The following GOSR2 variants were observed in gnomAD, a reference collection of about 807,000 sequenced individuals.
GOSR2 encodes golgi SNAP receptor complex member 2, also known as 27 kDa Golgi SNARE protein.
Under a neutral mutation model 27.9 loss-of-function variants are expected in GOSR2, and 20 were observed. The observed-to-expected ratio is 0.72, with a 90% CI of 0.50 to 1.04. The LOEUF (loss-of-function observed/expected upper bound fraction) is 1.04. Among genes scored for constraint, GOSR2 ranks in the 50% least tolerant of loss-of-function variants. The pLI is 0.00. For missense variants in GOSR2, 261 were observed against 270.5 expected (o/e 0.97, Z 0.25); for synonymous variants, 91 against 98.8 (o/e 0.92, Z 0.47).
chr17:46,975,336 T>A (rs2091437810), exon 7 of GOSR2: 1 of 152,212 alleles, frequency 6.6e-6, no homozygotes, highest in Non-Finnish European at 1.5e-5. Flanking sequence ...GATTTATCGG[T>A]GCATCCTGGG....
Position 46,939,701 on chromosome 17 carries a change from G to A in GOSR2, c.*941G>A. The A allele has an allele frequency of 7.1e-6, 7 of 985,700 alleles. No homozygotes were observed. Among genetic ancestry groups the A allele is most frequent in the Non-Finnish European group, 7.2e-6 (6 of 830,180 alleles). The allele number at this position is 985,700 out of a possible 1,614,324, so 61.1% of individuals were successfully genotyped here. ...GGCCCTCATTTTGCCCAGCCAGTGT[G>A]GGCAGATCCCACCGTGGAGACATCT... On this transcript the variant is annotated 3_prime_UTR_variant, in exon 6 of 6. Transcript: ENST00000640051.
intron 6 of GOSR2, among the ~76,000 whole-genome samples, chr17:46,951,019 C>A (rs1443990514): frequency 1.3e-5 from 2 of 152,188 alleles, no homozygotes; most frequent in African/African-American, 4.8e-5. Context: ...GCCCTCGCCC[C>A]AACTACACGC....
In GOSR2 at chr17:46,941,873, A is replaced by G. The variant is rs2089326204; in HGVS notation, c.*3113A>G. On this transcript the variant is annotated 3_prime_UTR_variant, in exon 6 of 6. Transcript: ENST00000640051. ...AGTTCTAGGGTTACAGGTGTTAGCC[A>G]CTGTACCTGGCCTCTAAGGTGATTC... 2 of 962,260 alleles carry G rather than the reference A, an allele frequency of 2.1e-6. No individual in the cohort carries two copies. The highest frequency in any genetic ancestry group is 1.1e-4 in the East Asian group (1 of 8,708). The allele number at this position is 962,260 out of a possible 1,614,324, so 59.6% of individuals were successfully genotyped here. A position where few individuals can be genotyped will look rare whatever the true frequency, so the allele number is the denominator to read the frequency against.
chr17:46,952,950 G>T (rs1159039962), intron 6 of GOSR2: 1 of 152,082 alleles, frequency 6.6e-6, no homozygotes. Flanking sequence ...CCCCACATAA[G>T]ATGCTCGATG....
chr17:46,951,821 C>G (rs368942176), intron 6 of GOSR2, among the ~76,000 whole-genome samples: 1 of 152,202 alleles, frequency 6.6e-6, no homozygotes, highest in Non-Finnish European at 1.5e-5. Context: ...TCTCTTCCCC[C>G]ACTCTGCCCG....
At chr17:46,974,072 C>T (rs72628341) in intron 6 of GOSR2, among the ~76,000 whole-genome samples, 15,730 of 152,216 alleles carry the variant, frequency 0.1, 900 homozygotes, top group Admixed American at 0.16. Context: ...GTAAGCCCTC[C>T]CTACTTCCCC....
intron 5 of GOSR2, chr17:46,935,657 A>G: frequency 1.0e-6 from 1 of 998,422 alleles, no homozygotes; most frequent in Non-Finnish European, 1.2e-6. Flanking sequence ...TTTGCAGTAG[A>G]TTAGAGCTTT....
In GOSR2 at chr17:46,972,796, G is replaced by A. The variant is rs144323506; in HGVS notation, c.616-2403G>A. 1.5e-4 allele frequency among the ~76,000 whole-genome samples: 23 copies of A among 152,182 alleles called. No individual in the cohort carries two copies. In the East Asian group the frequency reaches 1.6e-3, roughly 10 times the overall value. On this transcript the variant is annotated intron_variant, in intron 6 of 6. Coordinates refer to the GOSR2 transcript ENST00000640723. The stretch of plus-strand genomic sequence containing the variant: ...CACTCAATCTCCCGTGTGGACGAGC[G>A]TCTCTGCAGTCATATTATTAGCATC...
At chr17:46,936,765 T>C (rs991050233) in intron 5 of GOSR2, 1 of 983,460 alleles carries the variant, frequency 1.0e-6, no homozygotes, top group Non-Finnish European at 1.2e-6. Context: ...TCTGATTGTA[T>C]TGTCACTATC....
intron 4 of GOSR2, 80 bp from the exon 5 acceptor site, chr17:46,934,949 T>C: frequency 7.5e-7 from 1 of 1,327,554 alleles, no homozygotes; most frequent in Non-Finnish European, 1.1e-6. Context: ...TGGCTTGGCC[T>C]TGGCCAAAAG....
rs191154564 is a variant in GOSR2, at chr17:46,936,066, G to A, written c.477+897G>A. 4.2e-3 allele frequency: 4,157 copies of A among 985,808 alleles called. 16 individuals are homozygous for A. Among genetic ancestry groups the A allele is most frequent in the Non-Finnish European group, 4.8e-3 (3,962 of 829,910 alleles). The allele number at this position is 985,808 out of a possible 1,614,324, so 61.1% of individuals were successfully genotyped here. ...GTCCCTGCCATCTCTACGGGGGAGAGGGTCAGGCAAGCTGCAAGTGACACT... is the reference window on the plus strand; with the variant it reads ...GTCCCTGCCATCTCTACGGGGGAGAAGGTCAGGCAAGCTGCAAGTGACACT... On this transcript the variant is annotated intron_variant, in intron 5 of 5. Coordinates refer to ENST00000640051, the MANE Select transcript of GOSR2 (RefSeq NM_004287.5).
intron 6 of GOSR2, among the ~76,000 whole-genome samples, chr17:46,953,921 G>C (rs2090545125): frequency 6.6e-6 from 1 of 152,190 alleles, no homozygotes; most frequent in African/African-American, 2.4e-5. Flanking sequence ...GTTCATTGTA[G>C]ATTCTTGATA....
At chr17:46,965,176 CAGGG>C (rs899685095) in intron 6 of GOSR2, 2 of 152,224 alleles carry the variant, frequency 1.3e-5, no homozygotes, top group African/African-American at 4.8e-5. Context: ...GGGCAGGGCC[CAGGG>C]CATAGTGGAA....
At position 46,932,487 on chromosome 17, in the gene GOSR2, C is replaced by G. The variant is rs2087553165; in HGVS notation, c.336+288C>G. ...TCTGAGACAGAAAGGTGGAAGTTCA[C>G]ATGGTGGAAACGTTTTTCTGATCAG... On this transcript the variant is annotated intron_variant, in intron 4 of 5. Transcript: ENST00000640051. 1.5e-5 allele frequency: 9 copies of G among 593,378 alleles called. No individual in the cohort carries two copies. In the South Asian group the frequency reaches 1.9e-4, roughly 12 times the overall value. 36.8% of individuals were successfully genotyped at this position (593,378 alleles called of 1,614,324 possible). A position where few individuals can be genotyped will look rare whatever the true frequency, so the allele number is the denominator to read the frequency against.
intron 6 of GOSR2, among the ~76,000 whole-genome samples, chr17:46,951,970 C>G (rs937186785): frequency 3.9e-5 from 6 of 152,194 alleles, no homozygotes; most frequent in Non-Finnish European, 8.8e-5. Context: ...AACCGTTTTT[C>G]TCTGCATCCT....
chr17:46,943,943 C>T (rs1184161464), downstream of GOSR2, among the ~76,000 whole-genome samples: 2 of 152,076 alleles, frequency 1.3e-5, no homozygotes, highest in African/African-American at 4.8e-5. Context: ...AAGGCTAGGA[C>T]AGGCGTGACT....
At chr17:46,951,636 G>A (rs1338639093) in intron 6 of GOSR2, among the ~76,000 whole-genome samples, 2 of 152,186 alleles carry the variant, frequency 1.3e-5, no homozygotes, top group African/African-American at 4.8e-5. Context: ...CCGGAACTTA[G>A]CATTGGAGAG....
intron 5 of GOSR2, chr17:46,935,405 AG>A: frequency 7.0e-7 from 1 of 1,431,136 alleles, no homozygotes; most frequent in South Asian, 1.6e-5. Flanking sequence ...CTTAGGATCC[AG>A]GTCTTTTCCC....
intron 3 of GOSR2, 107 bp downstream of exon 3, chr17:46,931,314 A>C (rs2087344086): frequency 1.4e-6 from 1 of 729,346 alleles, no homozygotes; most frequent in Non-Finnish European, 2.5e-6. Flanking sequence ...TACATGTTGA[A>C]AAACTATGAC....
Sources: gnomAD v4.1 joint callset for allele counts (sites outside exome capture counted in the v4.1 genomes callset) on GRCh38, gnomAD v4.1.1 for gene constraint, MANE v1.5 for transcripts, NCBI Gene and HGNC (gene_info 2026-07-23, HGNC 2026-07-21) for gene names.